The following NRG3 variants were observed in gnomAD, a reference collection of about 807,000 sequenced individuals.
The protein encoded by NRG3 is neuregulin 3, also known as pro-neuregulin-3, membrane-bound isoform.
NRG3 carries 31 observed loss-of-function variants against 66.9 expected under a neutral mutation model. The ratio of observed to expected loss-of-function variants is 0.46; its 90% CI spans 0.35 to 0.63. NRG3 has a LOEUF of 0.63. NRG3 is among the 20% of genes least tolerant of loss of function. The probability of loss-of-function intolerance (pLI) is 0.00; values close to 1 mark genes in which losing one functional copy is unlikely to be tolerated. For synonymous variants in NRG3, 393 were observed against 359.4 expected, an observed-to-expected ratio of 1.09 and a Z score of -1.06; for missense variants, 910 against 878.9, an observed-to-expected ratio of 1.04 and a Z score of -0.45.
At chr10:81,881,608 G>A (rs1196005529) in intron 1 of NRG3, among the ~76,000 whole-genome samples, 1 of 152,084 alleles carries the variant, frequency 6.6e-6, no homozygotes, top group Non-Finnish European at 1.5e-5. Flanking sequence ...TGTTTACTAA[G>A]TATCTATCTG....
At chr10:82,097,694 A>G (rs1219237447) in intron 1 of NRG3, among the ~76,000 whole-genome samples, 2 of 151,744 alleles carry the variant, frequency 1.3e-5, no homozygotes, top group African/African-American at 2.4e-5. Context: ...CTGCCATACT[A>G]TTTTGCATTA....
intron 8 of NRG3, 25 bp from the exon 9 acceptor site, chr10:82,985,073 G>C: frequency 6.2e-7 from 1 of 1,606,822 alleles, no homozygotes. Context: ...AAAGCAGAAG[G>C]AGTAACACTG....
At chr10:82,500,035 T>C (rs1844013923) in intron 2 of NRG3, among the ~76,000 whole-genome samples, 1 of 152,118 alleles carries the variant, frequency 6.6e-6, no homozygotes, top group Non-Finnish European at 1.5e-5. Context: ...AAAGTGTCAG[T>C]CCAGGCTGTA....
rs1564682777 is a variant in NRG3 at position 82,973,905 on chromosome 10, AAACACC to A, written c.1404_1409del (p.Lys468_His470delinsAsn). On this transcript the variant is annotated inframe_deletion, in exon 7 of 9. Coordinates refer to ENST00000372141, the MANE Select transcript of NRG3 (RefSeq NM_001010848.4). The stretch of plus-strand genomic sequence containing the variant: ...TCCTGACAGAGGAAGCCAGTCTGTC[AAACACC>A]ACAGGTACAAGTAGCTCATCATGGT... 2.5e-6 allele frequency: 4 copies of A among 1,613,932 alleles called. No homozygotes were observed. The highest frequency in any genetic ancestry group is 3.4e-6 in the Non-Finnish European group (4 of 1,179,964).
chr10:82,850,776 T>C (rs79720070), intron 3 of NRG3, among the ~76,000 whole-genome samples: 1 of 152,064 alleles, frequency 6.6e-6, no homozygotes, highest in African/African-American at 2.4e-5. Flanking sequence ...AAAGATAACA[T>C]GACTTTGAGT....
At chr10:82,033,831 C>G (rs902384604) in intron 1 of NRG3, among the ~76,000 whole-genome samples, 5 of 152,098 alleles carry the variant, frequency 3.3e-5, no homozygotes. Context: ...TCTCTGATCC[C>G]AGAAAAATTC....
At chr10:82,442,999 C>T (rs2090522562) in intron 2 of NRG3, among the ~76,000 whole-genome samples, 1 of 151,820 alleles carries the variant, frequency 6.6e-6, no homozygotes, top group South Asian at 2.1e-4. Flanking sequence ...AGCAGTGGAA[C>T]TTTCAATAGA....
At chr10:82,361,915 T>C (rs1358518843) in intron 2 of NRG3, among the ~76,000 whole-genome samples, 1 of 151,914 alleles carries the variant, frequency 6.6e-6, no homozygotes, top group East Asian at 1.9e-4. Context: ...ATTAAAATTA[T>C]ATTTCCTAGA....
chr10:82,853,861 T>A (rs1456604232), intron 3 of NRG3, among the ~76,000 whole-genome samples: 1 of 152,206 alleles, frequency 6.6e-6, no homozygotes, highest in African/African-American at 2.4e-5. Flanking sequence ...AGAGTGGGCA[T>A]CCTTGTCTTG....
At chr10:81,924,296 ACT>A (rs1846553197) in intron 1 of NRG3, among the ~76,000 whole-genome samples, 1 of 152,260 alleles carries the variant, frequency 6.6e-6, no homozygotes, top group Non-Finnish European at 1.5e-5. Flanking sequence ...CTCCTAAAGT[ACT>A]TTCTCATTAT....
chr10:82,649,736 G>A (rs550499456), intron 2 of NRG3, among the ~76,000 whole-genome samples: 1 of 152,208 alleles, frequency 6.6e-6, no homozygotes, highest in South Asian at 2.1e-4. Context: ...TTATAGGCAT[G>A]AGCCACTGCG....
chr10:82,695,233 A>T (rs1020164980), intron 2 of NRG3, among the ~76,000 whole-genome samples: 2 of 152,118 alleles, frequency 1.3e-5, no homozygotes, highest in Non-Finnish European at 2.9e-5. Flanking sequence ...CTACCATCTG[A>T]CCTAGTAATT....
chr10:82,172,212 C>T (rs986995239), intron 1 of NRG3, among the ~76,000 whole-genome samples: 9 of 152,064 alleles, frequency 5.9e-5, no homozygotes, highest in African/African-American at 1.7e-4. Context: ...ATGATTCCTG[C>T]GCTCATTGCT....
intron 3 of NRG3, among the ~76,000 whole-genome samples, chr10:82,803,755 T>C (rs2061152983): frequency 6.6e-6 from 1 of 152,108 alleles, no homozygotes; most frequent in South Asian, 2.1e-4. Flanking sequence ...AAGACAACAA[T>C]ACTTCTCACA....
At chr10:82,530,336 A>G (rs1389025244) in intron 2 of NRG3, among the ~76,000 whole-genome samples, 1 of 152,056 alleles carries the variant, frequency 6.6e-6, no homozygotes, top group African/African-American at 2.4e-5. Context: ...TAATCTACCA[A>G]TAAAAAGAAA....
At chr10:82,122,685 C>T (rs780674938) in intron 1 of NRG3, among the ~76,000 whole-genome samples, 1 of 152,042 alleles carries the variant, frequency 6.6e-6, no homozygotes, top group Non-Finnish European at 1.5e-5. Flanking sequence ...GCATACTAGT[C>T]TGAATGAGAT....
intron 4 of NRG3, among the ~76,000 whole-genome samples, chr10:82,948,091 T>G (rs547057051): frequency 8.7e-4 from 133 of 152,174 alleles, no homozygotes; most frequent in Non-Finnish European, 7.4e-4. Flanking sequence ...TATATATGTA[T>G]AGAGTATGAG....
intron 1 of NRG3, among the ~76,000 whole-genome samples, chr10:82,125,855 G>A (rs376553845): frequency 2.6e-5 from 4 of 152,088 alleles, no homozygotes; most frequent in Non-Finnish European, 1.5e-5. Context: ...TCAAGGCACC[G>A]TCAGGTCTCC....
chr10:82,961,487 TG>T (rs1850636135), intron 6 of NRG3, among the ~76,000 whole-genome samples: 2 of 152,238 alleles, frequency 1.3e-5, no homozygotes, highest in Admixed American at 1.3e-4. Context: ...AAGGTATGTC[TG>T]TCAGACAGCT....
Sources: allele counts gnomAD v4.1 joint callset (sites outside exome capture counted in the v4.1 genomes callset), GRCh38; gene constraint gnomAD v4.1.1; transcripts MANE v1.5; gene names NCBI Gene and HGNC (gene_info 2026-07-23, HGNC 2026-07-21).